The following NUDCD1 variants were observed in gnomAD, a reference collection of about 807,000 sequenced individuals.
The protein encoded by NUDCD1 is nudC domain-containing protein 1.
NUDCD1 carries 60 observed loss-of-function variants against 67.8 expected under a neutral mutation model. The observed-to-expected ratio is 0.88, with a 90% CI of 0.72 to 1.10. The LOEUF (loss-of-function observed/expected upper bound fraction) is 1.10. NUDCD1 is among the 50% of genes least tolerant of loss of function. The pLI, the probability that NUDCD1 is intolerant of heterozygous loss-of-function variation, is 0.00. For missense variants in NUDCD1, 643 were observed against 695.0 expected, an observed-to-expected ratio of 0.93 and a Z score of 0.84; for synonymous variants, 244 against 230.8, an observed-to-expected ratio of 1.06 and a Z score of -0.52.
At chr8:109,298,164 C>A (rs538448519) in intron 2 of NUDCD1, among the ~76,000 whole-genome samples, 1 of 152,122 alleles carries the variant, frequency 6.6e-6, no homozygotes, top group African/African-American at 2.4e-5. Context: ...GTAGAATGAT[C>A]AAATCTGAGT....
At chr8:109,254,563 A>G (rs1198854163) in intron 8 of NUDCD1, among the ~76,000 whole-genome samples, 3 of 152,076 alleles carry the variant, frequency 2.0e-5, no homozygotes, top group Non-Finnish European at 1.5e-5. Context: ...CACATTTCTT[A>G]TCTTATGTTT....
In NUDCD1 at chr8:109,242,756, A is replaced by C. The variant is rs1410229763; in HGVS notation, c.*253T>G. 1 of 244,444 alleles carries C rather than the reference A, an allele frequency of 4.1e-6. No individual in the cohort carries two copies. Among genetic ancestry groups the C allele is most frequent in the African/African-American group, 2.2e-5 (1 of 44,606 alleles). 15.1% of individuals were successfully genotyped at this position (244,444 alleles called of 1,614,324 possible). The stretch of plus-strand genomic sequence containing the variant: ...ATGAGATTCTAGCCTGTTTTAAAAA[A>C]TAAGTATACTTGCTAGTACTATCTT... On this transcript the variant is annotated 3_prime_UTR_variant, in exon 10 of 10. Transcript: ENST00000239690.
At chr8:109,294,831 C>A (rs1170386447) in intron 3 of NUDCD1, among the ~76,000 whole-genome samples, 1 of 152,022 alleles carries the variant, frequency 6.6e-6, no homozygotes, top group African/African-American at 2.4e-5. Context: ...CCCCCTTACC[C>A]CCCACCATGC....
chr8:109,285,006 C>CA (rs35853412), intron 5 of NUDCD1, among the ~76,000 whole-genome samples: 39 of 148,288 alleles, frequency 2.6e-4, no homozygotes, highest in Admixed American at 8.0e-4. Flanking sequence ...CACAGAAATA[C>CA]AAAAAAAAAA....
At chr8:109,300,628 C>T (rs188898755) in intron 2 of NUDCD1, among the ~76,000 whole-genome samples, 1 of 152,096 alleles carries the variant, frequency 6.6e-6, no homozygotes, top group Non-Finnish European at 1.5e-5. Flanking sequence ...TAAGAACAAT[C>T]GGCATTCCTG....
At chr8:109,278,836 G>A (rs909640629) in intron 6 of NUDCD1, among the ~76,000 whole-genome samples, 13 of 152,168 alleles carry the variant, frequency 8.5e-5, no homozygotes, top group African/African-American at 3.1e-4. Context: ...AAGTATGCCT[G>A]CTATGAATAT....
chr8:109,286,991 CA>C (rs1318221209), intron 5 of NUDCD1, among the ~76,000 whole-genome samples: 1 of 152,072 alleles, frequency 6.6e-6, no homozygotes, highest in Non-Finnish European at 1.5e-5. Context: ...ACAAGACATA[CA>C]AATGGCCAAC....
Position 109,275,384 on chromosome 8 carries a change from C to T in NUDCD1, c.1141G>A (p.Glu381Lys), listed in dbSNP as rs745356036. 7 of 1,613,426 alleles carry T rather than the reference C, an allele frequency of 4.3e-6. No individual in the cohort carries two copies. The highest frequency in any genetic ancestry group is 5.9e-6 in the Non-Finnish European group (7 of 1,179,660). ...TCAGAGGTCAAATGCATCAAACGTTCAGCTATTGCAGCACACTGGGCTGAA... is the reference window on the plus strand; with the variant it reads ...TCAGAGGTCAAATGCATCAAACGTTTAGCTATTGCAGCACACTGGGCTGAA... ...RDSAQCAAIA[E>K]RLMHLTSEEL... Residue 381 changes from glutamate to lysine, a missense_variant, in exon 7 of 10, where the codon GAA becomes AAA. Glu to Lys is a moderately conservative substitution (Grantham distance 56). Transcript: ENST00000239690.
Position 109,286,679 on chromosome 8 carries a change from A to C in NUDCD1, c.823+3072T>G, listed in dbSNP as rs998540207. Among the ~76,000 whole-genome samples, 21 of 152,182 alleles carry C rather than the reference A, an allele frequency of 1.4e-4. 1 individual carries two copies. Among genetic ancestry groups the C allele is most frequent in the Non-Finnish European group, 5.9e-5 (4 of 68,020 alleles). ...TAAGACCTCAAACTGTAAGAATCTT[A>C]GAAGAAAACCTAGGAAACACCATTG... On this transcript the variant is annotated intron_variant, in intron 5 of 9. Coordinates refer to ENST00000239690, the MANE Select transcript of NUDCD1 (RefSeq NM_032869.4).
intron 1 of NUDCD1, among the ~76,000 whole-genome samples, chr8:109,322,808 T>C (rs1213192244): frequency 6.6e-6 from 1 of 152,114 alleles, no homozygotes; most frequent in Admixed American, 6.5e-5. Flanking sequence ...TCCAGGAAAA[T>C]GTTAAGCCCA....
chr8:109,328,071 T>C (rs1815718773), intron 1 of NUDCD1, among the ~76,000 whole-genome samples: 1 of 152,126 alleles, frequency 6.6e-6, no homozygotes, highest in Admixed American at 6.6e-5. Flanking sequence ...AAACATCCAA[T>C]AAGATGAAAC....
At chr8:109,295,335 G>A (rs75654601) in intron 3 of NUDCD1, among the ~76,000 whole-genome samples, 3,151 of 152,200 alleles carry the variant, frequency 0.021, 110 homozygotes, top group African/African-American at 0.072. Flanking sequence ...TCAGGTAGCT[G>A]TGCTACATAC....
At chr8:109,295,163 T>C (rs1814812179) in intron 3 of NUDCD1, among the ~76,000 whole-genome samples, 1 of 152,126 alleles carries the variant, frequency 6.6e-6, no homozygotes, top group Non-Finnish European at 1.5e-5. Flanking sequence ...CCAAAAGAAG[T>C]ATAAGCCCAT....
chr8:109,255,550 T>G (rs1218108784), intron 8 of NUDCD1, among the ~76,000 whole-genome samples: 1 of 151,910 alleles, frequency 6.6e-6, no homozygotes, highest in African/African-American at 2.4e-5. Context: ...TTTTGAAAAT[T>G]ATCAAATTAG....
chr8:109,330,326 C>G (rs940267558), intron 1 of NUDCD1, among the ~76,000 whole-genome samples: 2 of 152,082 alleles, frequency 1.3e-5, no homozygotes, highest in Non-Finnish European at 2.9e-5. Context: ...GTTCTTGACA[C>G]CAGAGACCAC....
chr8:109,270,087 TTAA>T, intron 8 of NUDCD1, among the ~76,000 whole-genome samples: 3 of 196 alleles, frequency 0.015, no homozygotes, highest in Non-Finnish European at 0.033. Flanking sequence ...GGGGGGTGCC[TTAA>T]GGTGGGGTGT....
At chr8:109,245,211 TA>T in intron 9 of NUDCD1, 110 bp downstream of exon 9, 2 of 1,018,860 alleles carry the variant, frequency 2.0e-6, no homozygotes, top group African/African-American at 1.6e-5. Flanking sequence ...CAAATCAATC[TA>T]AATGTAATCA....
chr8:109,274,420 T>A (rs1814229522), intron 7 of NUDCD1, among the ~76,000 whole-genome samples: 1 of 152,142 alleles, frequency 6.6e-6, no homozygotes, highest in Non-Finnish European at 1.5e-5. Context: ...GTCACTATTA[T>A]ATCCCCAGAG....
In NUDCD1 at chr8:109,308,036, A is replaced by G. The variant is rs769831032; in HGVS notation, c.274-11467T>C. ...AACACAATAATAGTGGGGGACTTCAATGCTCCACTAACAGCCCTACACAGG... is the reference window on the plus strand; with the variant it reads ...AACACAATAATAGTGGGGGACTTCAGTGCTCCACTAACAGCCCTACACAGG... On this transcript the variant is annotated intron_variant, in intron 2 of 9. Transcript: ENST00000239690. Among the ~76,000 whole-genome samples the G allele has an allele frequency of 2.6e-5, 4 of 152,230 alleles. No homozygotes were observed. In the South Asian group the frequency reaches 8.3e-4, roughly 31 times the overall value.
Sources: allele counts gnomAD v4.1 joint callset (sites outside exome capture counted in the v4.1 genomes callset), GRCh38; gene constraint gnomAD v4.1.1; transcripts MANE v1.5; gene names NCBI Gene and HGNC (gene_info 2026-07-23, HGNC 2026-07-21).